STK3: variants seen among roughly 807,000 people sequenced by gnomAD.
STK3 encodes the protein serine/threonine kinase 3.
STK3 carries 41 observed loss-of-function variants against 58.0 expected under a neutral mutation model. The ratio of observed to expected loss-of-function variants is 0.71; its 90% CI spans 0.55 to 0.92. The LOEUF is 0.92. Among genes scored for constraint, STK3 ranks in the 40% least tolerant of loss-of-function variants. STK3 has a pLI of 0.00. For missense variants in STK3, 479 were observed against 602.7 expected (o/e 0.79, Z 2.15); for synonymous variants, 170 against 191.0 (o/e 0.89, Z 0.91).
intron 3 of STK3, among the ~76,000 whole-genome samples, chr8:98,750,976 A>G (rs1204381353): frequency 1.3e-5 from 2 of 152,258 alleles, no homozygotes; most frequent in Admixed American, 1.3e-4. Context: ...GTGATTCATC[A>G]TATAAACAGA....
intron 8 of STK3, among the ~76,000 whole-genome samples, chr8:98,567,869 C>T (rs1812619401): frequency 6.6e-6 from 1 of 152,028 alleles, no homozygotes; most frequent in Admixed American, 6.6e-5. Context: ...ACCTGTCTGG[C>T]CAACATGGTG....
chr8:98,426,802 G>T lies in STK3; in HGVS notation n.483+7325C>A, dbSNP rs917301260. On this transcript the variant is annotated intron_variant and non_coding_transcript_variant, in intron 3 of 3. Coordinates refer to the STK3 transcript ENST00000517832. ...TAATAACAGCTGTCACCGGGGGATG[G>T]TCGGGGGGAAGGGAGAGGTGTCGGC... Among the ~76,000 whole-genome samples, 26 of 152,146 alleles carry T rather than the reference G, an allele frequency of 1.7e-4. 1 individual carries two copies. Among genetic ancestry groups the T allele is most frequent in the Admixed American group, 1.6e-3 (24 of 15,292 alleles).
intron 1 of STK3, among the ~76,000 whole-genome samples, chr8:98,808,510 G>C (rs533681635): frequency 6.6e-6 from 1 of 152,254 alleles, no homozygotes; most frequent in African/African-American, 2.4e-5. Flanking sequence ...CAGAAGAAAG[G>C]AGAGAGCTGT....
rs111571455 is a variant in STK3, at chr8:98,713,379, G to A, written c.352-6068C>T. Among the ~76,000 whole-genome samples the A allele has an allele frequency of 4.1e-3, 616 of 151,904 alleles. 3 individuals carry two copies. The highest frequency in any genetic ancestry group is 0.01 in the African/African-American group (435 of 41,430). On this transcript the variant is annotated intron_variant, in intron 4 of 10. Coordinates refer to ENST00000419617, the MANE Select transcript of STK3 (RefSeq NM_006281.4). ...TTTGAAAAGAGCAACAAAATAGACC[G>A]CTAGCAAGACTAATAGAAAAGAGAG...
At chr8:98,351,514 T>C in the STK3 span, among the ~76,000 whole-genome samples, 2 of 152,192 alleles carry the variant, frequency 1.3e-5, no homozygotes, top group Non-Finnish European at 1.5e-5. Context: ...ATCCTCTGTG[T>C]CCTTGAGAAT....
intron 4 of STK3, among the ~76,000 whole-genome samples, chr8:98,714,544 A>C (rs967605326): frequency 6.6e-6 from 1 of 152,232 alleles, no homozygotes; most frequent in Non-Finnish European, 1.5e-5. Flanking sequence ...TGCTTCAAAG[A>C]GAATAAAATG....
chr8:98,400,272 A>G (rs2131024911), downstream of STK3, among the ~76,000 whole-genome samples: 1 of 152,350 alleles, frequency 6.6e-6, no homozygotes, highest in East Asian at 1.9e-4. Flanking sequence ...TGAAAGGAAG[A>G]GCAAGCCCGT....
At chr8:98,899,736 A>T (rs1275888799) in intron 1 of STK3, among the ~76,000 whole-genome samples, 2 of 152,142 alleles carry the variant, frequency 1.3e-5, no homozygotes, top group African/African-American at 4.8e-5. Flanking sequence ...CTTTACAAGA[A>T]CCCTGGGAGG....
chr8:98,741,907 C>T lies in STK3; in HGVS notation c.351+7369G>A, dbSNP rs1190368820. Among the ~76,000 whole-genome samples the T allele has an allele frequency of 7.2e-5, 11 of 152,032 alleles. No homozygotes were observed. In the East Asian group the frequency reaches 1.2e-3, roughly 16 times the overall value. On this transcript the variant is annotated intron_variant, in intron 4 of 10. Coordinates refer to ENST00000419617, the MANE Select transcript of STK3 (RefSeq NM_006281.4). ...AAAATGATAAAGGGGATATCACGAC[C>T]GATCCCACAGAAATACAAACTACCA...
intron 1 of STK3, among the ~76,000 whole-genome samples, chr8:98,822,057 C>T (rs1226415055): frequency 7.0e-6 from 1 of 142,296 alleles, no homozygotes; most frequent in African/African-American, 2.5e-5. Context: ...CATACATACA[C>T]ACACACACAT....
In STK3 at chr8:98,800,639, C is replaced by T. The variant is rs566634702; in HGVS notation, c.26+24876G>A. 2.0e-4 allele frequency among the ~76,000 whole-genome samples: 31 copies of T among 152,308 alleles called. No homozygotes were observed. Among genetic ancestry groups the T allele is most frequent in the African/African-American group, 6.0e-4 (25 of 41,586 alleles). On this transcript the variant is annotated intron_variant, in intron 1 of 10. Transcript: ENST00000419617. This position sits in a 1 kb window ranked among gnomAD's most constrained non-coding sequence, Gnocchi z 4.8. The stretch of plus-strand genomic sequence containing the variant: ...TGCGCGCAGCACTCATGGGCCAGCA[C>T]GAGTTCCGGGTGGGTGTGGGCTTGA...
intron 6 of STK3, among the ~76,000 whole-genome samples, chr8:98,610,273 A>G (rs538313004): frequency 6.6e-6 from 1 of 152,336 alleles, no homozygotes; most frequent in East Asian, 1.9e-4. Context: ...AACTTAGTAT[A>G]ATTTGACCAT....
chr8:98,364,810 T>A, the STK3 span, among the ~76,000 whole-genome samples: 16 of 152,166 alleles, frequency 1.1e-4, no homozygotes, highest in Non-Finnish European at 1.9e-4. Context: ...CCAGAAGAGG[T>A]TAGCAGTTGG....
intron 10 of STK3, among the ~76,000 whole-genome samples, chr8:98,479,530 G>C (rs893564329): frequency 3.5e-5 from 5 of 143,202 alleles, no homozygotes; most frequent in Non-Finnish European, 7.5e-5. Context: ...CATATCAGGA[G>C]TTCAGCTTTT....
At chr8:98,571,997 A>C (rs943583604) in intron 8 of STK3, among the ~76,000 whole-genome samples, 4 of 152,182 alleles carry the variant, frequency 2.6e-5, no homozygotes, top group Admixed American at 2.6e-4. Flanking sequence ...AATTCAATTA[A>C]CATCATTCTG....
chr8:98,544,354 T>G (rs996398248), intron 9 of STK3, among the ~76,000 whole-genome samples: 2 of 152,188 alleles, frequency 1.3e-5, no homozygotes, highest in Non-Finnish European at 2.9e-5. Flanking sequence ...ACTGTTTCCT[T>G]CCTGTACTAT....
the STK3 span, among the ~76,000 whole-genome samples, chr8:98,347,007 C>A: frequency 2.0e-5 from 3 of 151,138 alleles, no homozygotes; most frequent in Non-Finnish European, 2.9e-5. Context: ...TATGTGAAAA[C>A]AAAATGTATA....
At chr8:98,826,298 GT>G (rs1835302405), upstream of STK3, among the ~76,000 whole-genome samples, 1 of 152,210 alleles carries the variant, frequency 6.6e-6, no homozygotes, top group Admixed American at 6.5e-5. Context: ...TATCGGTTAT[GT>G]TTTCCCCCAG....
Position 98,577,444 on chromosome 8 carries a change from G to A in STK3, c.948+2220C>T, listed in dbSNP as rs1033436173. 2.0e-4 allele frequency among the ~76,000 whole-genome samples: 30 copies of A among 152,286 alleles called. 1 individual carries two copies. The highest frequency in any genetic ancestry group is 7.0e-4 in the African/African-American group (29 of 41,562). Reference sequence around the variant, plus strand: ...GGAGGTTGCAGTAAGCCAAGATCATGCCACTGCAATCCAGCCTGGGCAACA... The same window carrying A: ...GGAGGTTGCAGTAAGCCAAGATCATACCACTGCAATCCAGCCTGGGCAACA... On this transcript the variant is annotated intron_variant, in intron 8 of 10. Coordinates refer to ENST00000419617, the MANE Select transcript of STK3 (RefSeq NM_006281.4).
Sources: gnomAD v4.1 joint callset for allele counts (sites outside exome capture counted in the v4.1 genomes callset) on GRCh38, gnomAD v4.1.1 for gene constraint, Gnocchi (gnomAD v3.1) non-coding constraint, MANE v1.5 for transcripts, NCBI Gene and HGNC (gene_info 2026-07-23, HGNC 2026-07-21) for gene names.